NBAS: variants seen among roughly 807,000 people sequenced by gnomAD.
The protein encoded by NBAS is NBAS subunit of NRZ tethering complex, also known as NAG/BC035112 fusion.
In NBAS, 219 loss-of-function variants were observed where a neutral mutation model predicts 302.5. The ratio of observed to expected loss-of-function variants is 0.72; its 90% CI spans 0.65 to 0.81. The LOEUF is 0.81. Among genes scored for constraint, NBAS ranks in the 30% least tolerant of loss-of-function variants. NBAS has a pLI of 0.00. For missense variants in NBAS, 2,932 were observed against 2,841.6 expected (o/e 1.03, Z -0.72); for synonymous variants, 1,118 against 1,021.6 (o/e 1.09, Z -1.80).
chr2:14,794,855 T>G, the NBAS span, among the ~76,000 whole-genome samples: 3 of 152,206 alleles, frequency 2.0e-5, no homozygotes, highest in South Asian at 6.2e-4. Flanking sequence ...TGTAATTCTA[T>G]AGTATGTACC....
chr2:15,475,755 A>G lies in NBAS; in HGVS notation c.1273T>C (p.Ser425Pro), dbSNP rs1471018919. The G allele has an allele frequency of 6.2e-7, 1 of 1,614,002 alleles. No individual in the cohort carries two copies. Among genetic ancestry groups the G allele is most frequent in the Non-Finnish European group, 8.5e-7 (1 of 1,179,994 alleles). Residue 425 changes from serine to proline, a missense_variant, in exon 14 of 52, where the codon TCC becomes CCC. Ser to Pro is a moderately conservative substitution (Grantham distance 74). Transcript: ENST00000281513. Reference protein sequence around the residue: ...VKTLKNLLGKSCEWFEPSPQV... With the variant: ...VKTLKNLLGKPCEWFEPSPQV... ...GGTGATGGTTCAAACCATTCACAGG[A>G]TTTTCCCAGTAAATTCTTCAAAGTT...
chr2:15,375,145 T>A (rs11902128), intron 30 of NBAS, among the ~76,000 whole-genome samples: 1 of 151,964 alleles, frequency 6.6e-6, no homozygotes. Context: ...TTGGTCACAA[T>A]GTGATGTCTC....
At chr2:15,033,551 C>A in the NBAS span, among the ~76,000 whole-genome samples, 1 of 151,970 alleles carries the variant, frequency 6.6e-6, no homozygotes, top group African/African-American at 2.4e-5. Context: ...TGTCGTTTCC[C>A]AAAAAAATGC....
At chr2:15,472,587 C>A (rs958720225) in intron 16 of NBAS, among the ~76,000 whole-genome samples, 15 of 152,164 alleles carry the variant, frequency 9.9e-5, no homozygotes, top group Admixed American at 5.9e-4. Context: ...TGGCCCCCCC[C>A]AGAAGCAGGC....
chr2:14,908,130 G>A, the NBAS span, among the ~76,000 whole-genome samples: 11 of 152,188 alleles, frequency 7.2e-5, no homozygotes, highest in African/African-American at 1.9e-4. Context: ...TTGGGAGGCC[G>A]AGGCAGGCGG....
At chr2:14,929,417 C>T in the NBAS span, among the ~76,000 whole-genome samples, 3 of 152,138 alleles carry the variant, frequency 2.0e-5, no homozygotes, top group Admixed American at 6.6e-5. Context: ...CTCACTCTGT[C>T]GCCAGGCTGG....
At chr2:15,367,845 T>C (rs1674284785) in intron 31 of NBAS, among the ~76,000 whole-genome samples, 1 of 152,182 alleles carries the variant, frequency 6.6e-6, no homozygotes, top group Non-Finnish European at 1.5e-5. Flanking sequence ...GCAAGGAAAG[T>C]ACAAAGAAAT....
chr2:15,379,529 A>G, intron 30 of NBAS, 73 bp downstream of exon 30: 1 of 1,423,454 alleles, frequency 7.0e-7, no homozygotes, highest in Non-Finnish European at 9.9e-7. Flanking sequence ...TTGGTAAAGA[A>G]AAGAATAACA....
intron 35 of NBAS, among the ~76,000 whole-genome samples, chr2:15,332,195 G>A (rs1217345699): frequency 2.0e-5 from 3 of 152,178 alleles, no homozygotes; most frequent in African/African-American, 7.2e-5. Context: ...AATGAGCACA[G>A]AAACAAGATC....
the NBAS span, among the ~76,000 whole-genome samples, chr2:14,813,506 T>TGA: frequency 1.3e-5 from 2 of 152,250 alleles, no homozygotes; most frequent in African/African-American, 4.8e-5. Flanking sequence ...ACTTTAAACT[T>TGA]GAGAGAGATA....
rs1197619476 is a variant in NBAS, at chr2:15,541,884, G to A, written c.380-2528C>T. On this transcript the variant is annotated intron_variant, in intron 6 of 51. Transcript: ENST00000281513. Reference sequence around the variant, plus strand: ...GGTTCAGCCCCCCGCCCGGCCAGCCGCCCCGTCCGGGAGGGAGGTGGGGGG... The same window carrying A: ...GGTTCAGCCCCCCGCCCGGCCAGCCACCCCGTCCGGGAGGGAGGTGGGGGG... Among the ~76,000 whole-genome samples the A allele has an allele frequency of 1.4e-4, 7 of 50,828 alleles. 2 individuals are homozygous for A. The highest frequency in any genetic ancestry group is 3.7e-4 in the Admixed American group (2 of 5,334). The allele number at this position is 50,828 out of a possible 152,430, so 33.3% of individuals were successfully genotyped here. A position where few individuals can be genotyped will look rare whatever the true frequency, so the allele number is the denominator to read the frequency against.
the NBAS span, among the ~76,000 whole-genome samples, chr2:15,113,825 T>C: frequency 1.3e-5 from 2 of 152,062 alleles, no homozygotes; most frequent in Admixed American, 6.5e-5. Flanking sequence ...AAATTCTCTA[T>C]GTATGAGCAT....
the NBAS span, among the ~76,000 whole-genome samples, chr2:14,928,514 A>C: frequency 6.6e-6 from 1 of 152,238 alleles, no homozygotes; most frequent in Admixed American, 6.5e-5. Flanking sequence ...AATACATAGT[A>C]TATGTGAAGC....
intron 10 of NBAS, among the ~76,000 whole-genome samples, chr2:15,507,309 T>C (rs868040439): frequency 5.1e-5 from 6 of 117,034 alleles, no homozygotes; most frequent in South Asian, 2.7e-4. Context: ...GTATTCCTTC[T>C]GATTACTTCT....
At chr2:15,445,940 A>T (rs1678715008) in intron 21 of NBAS, among the ~76,000 whole-genome samples, 1 of 151,944 alleles carries the variant, frequency 6.6e-6, no homozygotes, top group African/African-American at 2.4e-5. Flanking sequence ...GGCATCAATT[A>T]TAGACAAGTC....
rs766319459 is a variant in NBAS at position 15,474,305 on chromosome 2, G to T, written c.1361C>A (p.Pro454His). 1 of 1,613,310 alleles carries T rather than the reference G, an allele frequency of 6.2e-7. No individual in the cohort carries two copies. The highest frequency in any genetic ancestry group is 1.1e-5 in the South Asian group (1 of 90,906). The change falls in exon 15 of 52, where the codon CCC becomes CAC. Residue 454 changes from proline to histidine, a missense_variant. Transcript: ENST00000281513. ...TCTAGTCTCCAAACGAGATCGTTTGGGGGCAAGTTTAATCTCACACTAAAT... is the reference window on the plus strand; with the variant it reads ...TCTAGTCTCCAAACGAGATCGTTTGTGGGCAAGTTTAATCTCACACTAAAT... Reference protein sequence around the residue: ...LSLECEIKLAPKRSRLETRAG... With the variant: ...LSLECEIKLAHKRSRLETRAG...
the NBAS span, among the ~76,000 whole-genome samples, chr2:14,918,341 G>T: frequency 1.3e-5 from 2 of 151,546 alleles, no homozygotes; most frequent in East Asian, 1.9e-4. Context: ...CAATGTAATG[G>T]TGTTTTCATC....
chr2:14,822,210 T>C, the NBAS span, among the ~76,000 whole-genome samples: 2 of 152,252 alleles, frequency 1.3e-5, no homozygotes, highest in South Asian at 4.1e-4. Flanking sequence ...CAGTTGAAAA[T>C]TTGTCCTCCA....
intron 34 of NBAS, among the ~76,000 whole-genome samples, chr2:15,353,051 G>A (rs1434397717): frequency 6.6e-6 from 1 of 152,044 alleles, no homozygotes; most frequent in Non-Finnish European, 1.5e-5. Context: ...GTGAATTCTA[G>A]ACTCTCCTCA....
Sources: allele counts gnomAD v4.1 joint callset (sites outside exome capture counted in the v4.1 genomes callset), GRCh38; gene constraint gnomAD v4.1.1; transcripts MANE v1.5; gene names NCBI Gene and HGNC (gene_info 2026-07-23, HGNC 2026-07-21).